The following GUCY2C variants were observed in gnomAD, a reference collection of about 807,000 sequenced individuals.
The protein encoded by GUCY2C is guanylyl cyclase C.
In GUCY2C, 118 loss-of-function variants were observed where a neutral mutation model predicts 131.1. The observed-to-expected ratio is 0.90, with a 90% CI of 0.78 to 1.05. The LOEUF is 1.05. GUCY2C is among the 50% of genes least tolerant of loss of function. The pLI is 0.00. For synonymous variants in GUCY2C, 452 were observed against 457.8 expected (o/e 0.99, Z 0.16); for missense variants, 1,161 against 1,304.4 (o/e 0.89, Z 1.69).
chr12:14,620,313 T>A (rs1197945988), intron 23 of GUCY2C, among the ~76,000 whole-genome samples: 1 of 152,208 alleles, frequency 6.6e-6, no homozygotes, highest in African/African-American at 2.4e-5. Flanking sequence ...TGTCAACTGA[T>A]GGGACTTTGA....
chr12:14,683,419 G>A (rs1948391985), intron 3 of GUCY2C, among the ~76,000 whole-genome samples, 162 bp from the exon 4 acceptor site: 1 of 152,156 alleles, frequency 6.6e-6, no homozygotes, highest in African/African-American at 2.4e-5. Flanking sequence ...TTCTCATACA[G>A]CTAAATTTAA....
At chr12:14,687,363 T>C (rs2137104042) in intron 2 of GUCY2C, among the ~76,000 whole-genome samples, 1 of 152,316 alleles carries the variant, frequency 6.6e-6, no homozygotes, top group East Asian at 1.9e-4. Flanking sequence ...CTCATGCCTG[T>C]AATTCCAGCA....
intron 5 of GUCY2C, among the ~76,000 whole-genome samples, chr12:14,680,338 A>G (rs1592141814): frequency 3.3e-5 from 5 of 152,134 alleles, no homozygotes; most frequent in Admixed American, 3.3e-4. Flanking sequence ...TTTATGAGTG[A>G]GAGGAGTTGG....
At chr12:14,675,234 A>G (rs1948206980) in intron 7 of GUCY2C, among the ~76,000 whole-genome samples, 1 of 144,936 alleles carries the variant, frequency 6.9e-6, no homozygotes, top group Non-Finnish European at 1.5e-5. Context: ...AAAAAAGAAA[A>G]AAAGAAAGAA....
intron 4 of GUCY2C, among the ~76,000 whole-genome samples, chr12:14,682,102 C>A (rs34770374): frequency 0.033 from 5,069 of 152,180 alleles, 147 homozygotes; most frequent in East Asian, 0.15. Context: ...AGGCAGCAAC[C>A]CAGCCAGAAG....
chr12:14,683,344 G>A (rs1362686426), intron 3 of GUCY2C, 87 bp from the exon 4 acceptor site: 1 of 790,278 alleles, frequency 1.3e-6, no homozygotes, highest in African/African-American at 1.7e-5. Context: ...GTTTCAGCAT[G>A]TATGTATAAA....
chr12:14,643,525 GA>G (rs199909168), intron 17 of GUCY2C, 48 bp downstream of exon 17: 95 of 1,560,402 alleles, frequency 6.1e-5, no homozygotes, highest in South Asian at 1.0e-4. Context: ...ACATGGGTTT[GA>G]AAAAAAAATC....
At chr12:14,688,101 T>A (rs1948508983) in intron 1 of GUCY2C, 38 bp from the exon 2 acceptor site, 1 of 1,213,102 alleles carries the variant, frequency 8.2e-7, no homozygotes, top group African/African-American at 1.5e-5. Flanking sequence ...AACACTAGTG[T>A]TATTTTTCAG....
At chr12:14,647,201 T>C (rs1459361773) in intron 15 of GUCY2C, among the ~76,000 whole-genome samples, 1 of 152,220 alleles carries the variant, frequency 6.6e-6, no homozygotes, top group African/African-American at 2.4e-5. Flanking sequence ...GTGTTTTTCT[T>C]CCATAAATCA....
intron 4 of GUCY2C, among the ~76,000 whole-genome samples, chr12:14,682,112 G>T (rs1319017340): frequency 6.6e-6 from 1 of 152,156 alleles, no homozygotes; most frequent in Non-Finnish European, 1.5e-5. Flanking sequence ...CCAGCCAGAA[G>T]ATTTCTTCTA....
chr12:14,688,761 G>A (rs1948524987), intron 1 of GUCY2C, among the ~76,000 whole-genome samples: 1 of 152,232 alleles, frequency 6.6e-6, no homozygotes, highest in Non-Finnish European at 1.5e-5. Context: ...CCTAGGGGGA[G>A]CTGGGACCTG....
At chr12:14,644,720 A>G (rs1330240986) in intron 16 of GUCY2C, among the ~76,000 whole-genome samples, 5 of 149,732 alleles carry the variant, frequency 3.3e-5, no homozygotes, top group Non-Finnish European at 7.4e-5. Context: ...TTTCTCTTGT[A>G]AAGTTGAGGA....
chr12:14,658,301 A>G (rs1947799791), intron 11 of GUCY2C, among the ~76,000 whole-genome samples: 1 of 152,142 alleles, frequency 6.6e-6, no homozygotes, highest in African/African-American at 2.4e-5. Context: ...TGATTTTATT[A>G]TCGTCATATT....
intron 18 of GUCY2C, 142 bp from the exon 19 acceptor site, chr12:14,640,092 C>A (rs1185825821): frequency 1.6e-6 from 1 of 632,058 alleles, no homozygotes; most frequent in South Asian, 1.9e-5. Context: ...GACCAGCACT[C>A]AGTAGACAGG....
intron 25 of GUCY2C, among the ~76,000 whole-genome samples, chr12:14,616,268 T>C (rs1045473796): frequency 1.3e-5 from 2 of 152,122 alleles, no homozygotes; most frequent in Non-Finnish European, 2.9e-5. Context: ...CCTCAGATCA[T>C]AGCAGCAGTG....
intron 5 of GUCY2C, among the ~76,000 whole-genome samples, chr12:14,680,626 T>G (rs978456298): frequency 6.6e-6 from 1 of 152,208 alleles, no homozygotes; most frequent in Non-Finnish European, 1.5e-5. Flanking sequence ...AAGAGAATTC[T>G]GTGGAAAGTG....
At chr12:14,645,619 C>T (rs1249466217) in intron 15 of GUCY2C, among the ~76,000 whole-genome samples, 1 of 152,142 alleles carries the variant, frequency 6.6e-6, no homozygotes, top group Non-Finnish European at 1.5e-5. Context: ...AGTGACTGCC[C>T]TGCATGTTCT....
chr12:14,691,583 T>C (rs900095389), intron 1 of GUCY2C, among the ~76,000 whole-genome samples: 1 of 152,248 alleles, frequency 6.6e-6, no homozygotes, highest in Admixed American at 6.5e-5. Context: ...CACATGAAGA[T>C]GGCCACACTT....
intron 20 of GUCY2C, among the ~76,000 whole-genome samples, chr12:14,628,221 A>T (rs1349323819): frequency 6.6e-6 from 1 of 152,178 alleles, no homozygotes; most frequent in Non-Finnish European, 1.5e-5. Context: ...GATTCATGAC[A>T]TGTCTTAAGT....
Sources: allele counts gnomAD v4.1 joint callset (sites outside exome capture counted in the v4.1 genomes callset), GRCh38; gene constraint gnomAD v4.1.1; transcripts MANE v1.5; gene names NCBI Gene and HGNC (gene_info 2026-07-23, HGNC 2026-07-21).